The following NUMBL variants were observed in gnomAD, a reference collection of about 807,000 sequenced individuals.
NUMBL encodes NUMB like endocytic adaptor protein.
A neutral mutation model predicts 48.9 loss-of-function variants in NUMBL; 20 were observed. That is an observed-to-expected ratio of 0.41 (90% CI 0.29 to 0.59). NUMBL has a LOEUF of 0.59. NUMBL is among the 20% of genes least tolerant of loss of function. The probability of loss-of-function intolerance (pLI) is 0.31; values close to 1 mark genes in which losing one functional copy is unlikely to be tolerated. For synonymous variants in NUMBL, 340 were observed against 348.7 expected (o/e 0.98, Z 0.28); for missense variants, 660 against 846.2 (o/e 0.78, Z 2.73).
intron 1 of NUMBL, chr19:40,690,167 T>C: frequency 6.3e-6 from 2 of 315,896 alleles, no homozygotes; most frequent in Admixed American, 1.0e-4. Flanking sequence ...CCCCATCTAG[T>C]TCTAGGAGTT....
chr19:40,684,278 CA>C, intron 3 of NUMBL, 138 bp downstream of exon 3: 1 of 887,858 alleles, frequency 1.1e-6, no homozygotes, highest in Non-Finnish European at 1.7e-6. Context: ...CCGTGATAGC[CA>C]GGACTGCCGG....
At position 40,682,198 on chromosome 19, in the gene NUMBL, C is replaced by T. The variant is rs553173669; in HGVS notation, c.399+530G>A. Among the ~76,000 whole-genome samples the T allele has an allele frequency of 2.0e-5, 3 of 152,234 alleles. No individual in the cohort carries two copies. Among genetic ancestry groups the T allele is most frequent in the Non-Finnish European group, 2.9e-5 (2 of 68,016 alleles). ...CTGGAGTGCAATGGCATGATCTCCG[C>T]TCACCGCAACCTCCAAGTCTCGGGT... On this transcript the variant is annotated intron_variant, in intron 5 of 9. Transcript: ENST00000252891. The surrounding 1 kb of genome is among the most constrained non-coding windows in gnomAD (Gnocchi z 4.0).
At chr19:40,689,981 C>T (rs987266110) in intron 1 of NUMBL, 1 of 152,376 alleles carries the variant, frequency 6.6e-6, no homozygotes, top group Admixed American at 6.5e-5. Flanking sequence ...CTTGGAGTCC[C>T]CCTAGGCCTT....
At chr19:40,675,866 ATT>A (rs202219464) in intron 7 of NUMBL, among the ~76,000 whole-genome samples, 16 of 146,084 alleles carry the variant, frequency 1.1e-4, no homozygotes, top group African/African-American at 3.7e-4. Flanking sequence ...TTTTAAATTA[ATT>A]TTTTTTTTTT....
rs1249749788 is a variant in NUMBL, at chr19:40,669,933, C to T, written c.1124G>A (p.Gly375Glu). Residue 375 changes from glycine to glutamate, a missense_variant, in exon 9 of 10, where the codon GGA becomes GAA. By Grantham distance (98) the Gly-to-Glu change is moderately conservative. Around this residue, in one of 3 missense-constraint regions of NUMBL, gnomAD observed 296 missense variants for 339.7 expected, o/e 0.87. Transcript: ENST00000252891. ...TQISSSFASA[G>E]APAPGPPPAT... Reference sequence around the variant, plus strand: ...AGGTGGTGGCCCTGGTGCTGGCGCTCCAGCACTGGCAAAAGATGAACTGAT... The same window carrying T: ...AGGTGGTGGCCCTGGTGCTGGCGCTTCAGCACTGGCAAAAGATGAACTGAT... The T allele has an allele frequency of 6.2e-7, 1 of 1,614,004 alleles. No individual in the cohort carries two copies. The highest frequency in any genetic ancestry group is 1.7e-5 in the Admixed American group (1 of 60,002).
intron 8 of NUMBL, 104 bp from the exon 9 acceptor site, chr19:40,670,124 C>A: frequency 7.1e-7 from 1 of 1,408,870 alleles, no homozygotes. Context: ...GACCTGGATC[C>A]TTTCCCACTG....
chr19:40,690,186 A>G, intron 1 of NUMBL: 1 of 338,370 alleles, frequency 3.0e-6, no homozygotes, highest in Non-Finnish European at 5.3e-6. Context: ...TTGTACCTAG[A>G]ATCTCTGTAC....
rs753745189 is a variant in NUMBL at position 40,677,441 on chromosome 19, G to C, written c.541-20C>G. The C allele has an allele frequency of 3.2e-5, 51 of 1,596,758 alleles. No individual in the cohort carries two copies. The highest frequency in any genetic ancestry group is 3.8e-5 in the Non-Finnish European group (45 of 1,175,050). ...CTCGCCCTATGGGGAGAGGATGGGC[G>C]GGGGGGTTAGAGGCGCTGGGCAGTG... On this transcript the variant is annotated intron_variant, in intron 6 of 9. Transcript: ENST00000252891.
At chr19:40,681,274 T>C (rs2081903996) in intron 5 of NUMBL, among the ~76,000 whole-genome samples, 1 of 152,020 alleles carries the variant, frequency 6.6e-6, no homozygotes. Context: ...CAGGATGTGA[T>C]GAAGGAGGCC....
intron 8 of NUMBL, among the ~76,000 whole-genome samples, chr19:40,670,975 A>ATATT (rs1418121633): frequency 6.6e-6 from 1 of 152,156 alleles, no homozygotes; most frequent in Non-Finnish European, 1.5e-5. Flanking sequence ...TTTTTTAAAA[A>ATATT]TATTTATTTA....
At position 40,667,512 on chromosome 19, in the gene NUMBL, G is replaced by C; in HGVS notation, c.1786C>G (p.Pro596Ala). 1.3e-6 allele frequency: 2 copies of C among 1,591,152 alleles called. No individual in the cohort carries two copies. The highest frequency in any genetic ancestry group is 1.7e-6 in the Non-Finnish European group (2 of 1,168,584). The change falls in exon 10 of 10, where the codon CCC (proline) becomes GCC (alanine). Residue 596 changes from proline (P) to alanine (A), a missense_variant. By Grantham distance (27) the Pro-to-Ala change is conservative. Coordinates refer to ENST00000252891, the MANE Select transcript of NUMBL (RefSeq NM_004756.5). The surrounding 1 kb of genome is among the most constrained non-coding windows in gnomAD (Gnocchi z 6.1). The stretch of plus-strand genomic sequence containing the variant: ...GTCTTTTGCAGGTCGCCAGAAAAGG[G>C]GTTGGAGGGTTTCTCTACAGTGGCT... ...GKATVEKPSN[P>A]FSGDLQKTFE...
At chr19:40,677,987 T>C (rs1397247409) in intron 6 of NUMBL, among the ~76,000 whole-genome samples, 3 of 152,126 alleles carry the variant, frequency 2.0e-5, no homozygotes. Flanking sequence ...TCGAAATTCG[T>C]TGACTGTACA....
chr19:40,684,120 G>C, intron 3 of NUMBL: 1 of 272,190 alleles, frequency 3.7e-6, no homozygotes, highest in Non-Finnish European at 7.0e-6. Context: ...CCAGGCTGGA[G>C]TGCAATGGCG....
Position 40,682,985 on chromosome 19 carries a change from T to C in NUMBL, c.250-17A>G. 1 of 1,442,886 alleles carries C rather than the reference T, an allele frequency of 6.9e-7. No homozygotes were observed. Among genetic ancestry groups the C allele is most frequent in the Non-Finnish European group, 9.5e-7 (1 of 1,050,270 alleles). The allele number at this position is 1,442,886 out of a possible 1,614,324, so 89.4% of individuals were successfully genotyped here. On this transcript the variant is annotated splice_polypyrimidine_tract_variant and intron_variant, in intron 3 of 9. Coordinates refer to ENST00000252891, the MANE Select transcript of NUMBL (RefSeq NM_004756.5). This position sits in a 1 kb window ranked among gnomAD's most constrained non-coding sequence, Gnocchi z 4.0. ...ACCCAGGTACTTGGGTTGGAGGGAA[T>C]GGGGGGGGGGACATGAAACAGCACA...
intron 7 of NUMBL, among the ~76,000 whole-genome samples, chr19:40,676,686 C>T (rs7255985): frequency 0.3 from 42,173 of 142,060 alleles, 6,842 homozygotes; most frequent in African/African-American, 0.4. Flanking sequence ...AGCGAGACTC[C>T]GTCTCAAAAA....
intron 9 of NUMBL, among the ~76,000 whole-genome samples, chr19:40,669,447 A>G (rs990654501): frequency 6.6e-6 from 1 of 151,830 alleles, no homozygotes; most frequent in Non-Finnish European, 1.5e-5. Context: ...AGGTGATCAC[A>G]TGATTCTTAG....
chr19:40,668,302 G>A (rs543588577), intron 9 of NUMBL, among the ~76,000 whole-genome samples, 164 bp from the exon 10 acceptor site: 128 of 152,240 alleles, frequency 8.4e-4, no homozygotes, highest in African/African-American at 2.9e-3. Flanking sequence ...GACTTCAGGC[G>A]AGTGACTTCA....
At chr19:40,690,275 T>C (rs1274544173) in intron 1 of NUMBL, 185 bp downstream of exon 1, 3 of 376,230 alleles carry the variant, frequency 8.0e-6, no homozygotes, top group Admixed American at 4.6e-5. Context: ...CCCAGGGGTC[T>C]GTGCCCAAGA....
At chr19:40,672,757 G>A (rs1360836161) in intron 8 of NUMBL, among the ~76,000 whole-genome samples, 2 of 152,098 alleles carry the variant, frequency 1.3e-5, no homozygotes, top group East Asian at 1.9e-4. Context: ...CATGACTTGT[G>A]ATGCCTTTTT....
Sources: gnomAD v4.1 joint callset for allele counts (sites outside exome capture counted in the v4.1 genomes callset) on GRCh38, gnomAD v4.1.1 for gene constraint, gnomAD v4.1.1 regional missense constraint, Gnocchi (gnomAD v3.1) non-coding constraint, MANE v1.5 for transcripts, NCBI Gene and HGNC (gene_info 2026-07-23, HGNC 2026-07-21) for gene names.